Variants in ARHGEF37 observed in about 807,000 individuals in gnomAD.
The protein encoded by ARHGEF37 is Rho guanine nucleotide exchange factor (GEF) 37.
Under a neutral mutation model 71.1 loss-of-function variants are expected in ARHGEF37, and 55 were observed. The ratio of observed to expected loss-of-function variants is 0.77; its 90% confidence interval spans 0.62 to 0.97. The LOEUF (loss-of-function observed/expected upper bound fraction) is 0.97, where lower values mean the gene tolerates loss of function less well. ARHGEF37 is among the 50% of genes least tolerant of loss of function. ARHGEF37 has a pLI of 0.00. For missense variants in ARHGEF37, 765 were observed against 836.8 expected (o/e 0.91, Z 1.06); for synonymous variants, 327 against 350.6 (o/e 0.93, Z 0.75).
In ARHGEF37 at chr5:149,619,072, G is replaced by A. The variant is rs762952527; in HGVS notation, c.894+30G>A. ...GGACACTGCAGGGTTCATAAAGGGC[G>A]AGTCTGGGCTGGGTTCCCCTGGCAG... is the stretch of plus-strand genomic sequence containing the variant. On this transcript the variant is annotated intron_variant, in intron 7 of 12. Transcript: ENST00000333677. 1.3e-5 allele frequency: 21 copies of A among 1,590,520 alleles called. No individual in the cohort carries two copies. The African/African-American group carries it at 2.1e-4, about 16-fold the overall frequency.
chr5:149,563,089 C>A (rs1433785428), intron 1 of ARHGEF37, among the ~76,000 whole-genome samples: 1 of 152,168 alleles, frequency 6.6e-6, no homozygotes, highest in Non-Finnish European at 1.5e-5. Context: ...CCCAGCAGTT[C>A]CTGGTGTGCT....
intron 1 of ARHGEF37, among the ~76,000 whole-genome samples, chr5:149,586,404 A>C (rs1353147091): frequency 6.6e-6 from 1 of 152,168 alleles, no homozygotes; most frequent in Admixed American, 6.5e-5. Flanking sequence ...GACTACAGGC[A>C]TGCACCACCA....
Position 149,601,167 on chromosome 5 carries a change from C to G in ARHGEF37, c.246C>G (p.Asn82Lys), listed in dbSNP as rs1763743955. 6.2e-7 allele frequency: 1 copy of G among 1,613,516 alleles called. No individual in the cohort carries two copies. The highest frequency in any genetic ancestry group is 1.7e-5 in the Admixed American group (1 of 60,010). ...ACATTGATGATATCATCAAAGTGAA[C>G]AGCAGATTCCTCCATGATCTGCAGG... ...FSNIDDIIKVNSRFLHDLQET... is the reference protein window; with the variant it reads ...FSNIDDIIKVKSRFLHDLQET... The change falls in exon 3 of 13, where the codon AAC becomes AAG. Residue 82 changes from asparagine to lysine, a missense_variant. Asn to Lys is a moderately conservative substitution (Grantham distance 94). Coordinates refer to ENST00000333677, the MANE Select transcript of ARHGEF37 (RefSeq NM_001001669.3).
chr5:149,578,670 TG>T (rs1763052986), upstream of ARHGEF37, among the ~76,000 whole-genome samples: 1 of 152,234 alleles, frequency 6.6e-6, no homozygotes. Flanking sequence ...AATTTAAAAA[TG>T]GATCACTCTG....
At chr5:149,619,498 A>G (rs890233969) in intron 7 of ARHGEF37, among the ~76,000 whole-genome samples, 1 of 152,208 alleles carries the variant, frequency 6.6e-6, no homozygotes. Flanking sequence ...GGCTGAATGA[A>G]TGAATACATG....
At chr5:149,584,407 G>A (rs1421214762) in intron 1 of ARHGEF37, among the ~76,000 whole-genome samples, 1 of 152,106 alleles carries the variant, frequency 6.6e-6, no homozygotes, top group Non-Finnish European at 1.5e-5. Context: ...TGGGAGAGGG[G>A]ATGTCTGTTG....
chr5:149,599,425 C>G (rs1763686638), intron 2 of ARHGEF37, among the ~76,000 whole-genome samples: 2 of 47,386 alleles, frequency 4.2e-5, no homozygotes, highest in African/African-American at 4.5e-4. Context: ...CAGGAAAGCC[C>G]AAGGCAAACT....
chr5:149,583,170 G>A (rs190188257), intron 1 of ARHGEF37, among the ~76,000 whole-genome samples: 6 of 152,232 alleles, frequency 3.9e-5, no homozygotes, highest in African/African-American at 7.2e-5. Flanking sequence ...ACGAAGTCTC[G>A]CTGTCTCCCA....
rs1170852446 is a variant in ARHGEF37 at position 149,621,644 on chromosome 5, C to T, written c.1006-89C>T. ...TAGTCAGTGGGAGTTAGACTGGAATCCAGGCCTGCATGCTTCCAAAGCCCC... is the reference window on the plus strand; with the variant it reads ...TAGTCAGTGGGAGTTAGACTGGAATTCAGGCCTGCATGCTTCCAAAGCCCC... On this transcript the variant is annotated intron_variant, in intron 8 of 12. Coordinates refer to ENST00000333677, the MANE Select transcript of ARHGEF37 (RefSeq NM_001001669.3). 7.2e-6 allele frequency: 9 copies of T among 1,250,254 alleles called. No homozygotes were observed. In the African/African-American group the frequency reaches 1.4e-4, roughly 19 times the overall value. 77.4% of individuals were successfully genotyped at this position (1,250,254 alleles called of 1,614,324 possible).
At chr5:149,584,349 G>GT (rs1291942266) in intron 1 of ARHGEF37, among the ~76,000 whole-genome samples, 2 of 145,366 alleles carry the variant, frequency 1.4e-5, no homozygotes, top group African/African-American at 5.5e-5. Context: ...ATAAAGGGGA[G>GT]TTTTTCCTCC....
At chr5:149,611,679 T>C (rs1752176076) in intron 4 of ARHGEF37, among the ~76,000 whole-genome samples, 1 of 152,230 alleles carries the variant, frequency 6.6e-6, no homozygotes, top group African/African-American at 2.4e-5. Flanking sequence ...GCATGGGGCA[T>C]TGATTCATTG....
chr5:149,598,125 C>G (rs190037078), intron 2 of ARHGEF37, among the ~76,000 whole-genome samples, 170 bp downstream of exon 2: 4 of 152,310 alleles, frequency 2.6e-5, no homozygotes, highest in Admixed American at 2.6e-4. Flanking sequence ...CTTGGCCGTG[C>G]AACCTCCATC....
chr5:149,569,799 T>G (rs1343426309), intron 1 of ARHGEF37, among the ~76,000 whole-genome samples: 1 of 152,014 alleles, frequency 6.6e-6, no homozygotes, highest in Non-Finnish European at 1.5e-5. Context: ...TTTTGTATTT[T>G]TAGTTGAGCG....
intron 1 of ARHGEF37, among the ~76,000 whole-genome samples, chr5:149,594,374 A>G (rs568558441): frequency 3.3e-5 from 5 of 152,348 alleles, no homozygotes; most frequent in Non-Finnish European, 7.4e-5. Flanking sequence ...CATTCAGGCC[A>G]GGGACAAATC....
chr5:149,552,345 AT>A (rs1464618919), intron 1 of ARHGEF37, among the ~76,000 whole-genome samples: 1 of 151,844 alleles, frequency 6.6e-6, no homozygotes, highest in Non-Finnish European at 1.5e-5. Flanking sequence ...CTACACGGTA[AT>A]TTTTTTCTTT....
chr5:149,618,438 A>G, intron 6 of ARHGEF37, 132 bp downstream of exon 6: 1 of 1,393,474 alleles, frequency 7.2e-7, no homozygotes, highest in Non-Finnish European at 9.6e-7. Context: ...AGGTGCTGGG[A>G]AGAGGCAGAG....
intron 10 of ARHGEF37, among the ~76,000 whole-genome samples, chr5:149,625,376 T>C (rs1006431587): frequency 6.6e-6 from 1 of 152,154 alleles, no homozygotes; most frequent in Non-Finnish European, 1.5e-5. Flanking sequence ...AAATTGAAAC[T>C]GTCCCCTCAC....
At chr5:149,580,969 A>G (rs1763093272), upstream of ARHGEF37, among the ~76,000 whole-genome samples, 1 of 152,200 alleles carries the variant, frequency 6.6e-6, no homozygotes, top group Middle Eastern at 3.2e-3. Context: ...CTCTGTGCCC[A>G]GAACAGTGTC....
At chr5:149,614,061 G>A (rs1056150199) in intron 4 of ARHGEF37, among the ~76,000 whole-genome samples, 1 of 151,816 alleles carries the variant, frequency 6.6e-6, no homozygotes, top group Non-Finnish European at 1.5e-5. Flanking sequence ...ACTGCGCCCA[G>A]CACAGTGTTT....
Sources: allele counts gnomAD v4.1 joint callset (sites outside exome capture counted in the v4.1 genomes callset), GRCh38; gene constraint gnomAD v4.1.1; transcripts MANE v1.5; gene names NCBI Gene and HGNC (gene_info 2026-07-23, HGNC 2026-07-21).